ELMO1: variants seen among roughly 807,000 people sequenced by gnomAD.
ELMO1 encodes engulfment and cell motility 1.
Under a neutral mutation model 98.9 loss-of-function variants are expected in ELMO1, and 26 were observed. The observed-to-expected ratio is 0.26, with a 90% CI of 0.19 to 0.36. The LOEUF (loss-of-function observed/expected upper bound fraction) is 0.36, where lower values mean the gene tolerates loss of function less well. Among genes scored for constraint, ELMO1 ranks in the 10% least tolerant of loss-of-function variants. The pLI, the probability that ELMO1 is intolerant of heterozygous loss-of-function variation, is 1.00. For missense variants in ELMO1, 627 were observed against 935.2 expected (o/e 0.67, Z 4.30); for synonymous variants, 346 against 346.0 (o/e 1.00, Z 0.00).
chr7:37,292,704 CCGCCCGG>C (rs1797775763), intron 4 of ELMO1, among the ~76,000 whole-genome samples: 1 of 69,580 alleles, frequency 1.4e-5, no homozygotes, highest in Non-Finnish European at 3.3e-5. Flanking sequence ...AGGAGCGTCT[CCGCCCGG>C]CAGCCGCCCC....
At chr7:37,429,782 TAGGATGTGA>T (rs1477240631) in intron 1 of ELMO1, 6 of 152,250 alleles carry the variant, frequency 3.9e-5, no homozygotes, top group Non-Finnish European at 5.9e-5. Flanking sequence ...AAGATGGCAT[TAGGATGTGA>T]AGGATGAGGA....
chr7:37,127,955 G>C (rs917559058), intron 14 of ELMO1, among the ~76,000 whole-genome samples: 2 of 152,162 alleles, frequency 1.3e-5, no homozygotes, highest in Non-Finnish European at 2.9e-5. Flanking sequence ...CAATTTGGGA[G>C]GCCAAGGCGG....
rs115555123 is a variant in ELMO1 at position 37,273,664 on chromosome 7, G to A, written c.193-1782C>T. 3.6e-3 allele frequency among the ~76,000 whole-genome samples: 543 copies of A among 152,222 alleles called. 3 individuals are homozygous for A. The highest frequency in any genetic ancestry group is 0.012 in the African/African-American group (480 of 41,532). Reference sequence around the variant, plus strand: ...ACACACCACACCCAATTTCCAGGAGGAGGCCTTCCAGGACTCACCGTGGTC... The same window carrying A: ...ACACACCACACCCAATTTCCAGGAGAAGGCCTTCCAGGACTCACCGTGGTC... On this transcript the variant is annotated intron_variant, in intron 4 of 21. Transcript: ENST00000310758.
chr7:37,345,937 C>G (rs549402619), intron 1 of ELMO1, among the ~76,000 whole-genome samples: 3 of 149,784 alleles, frequency 2.0e-5, no homozygotes, highest in Non-Finnish European at 4.4e-5. Flanking sequence ...TGCAGTGAGC[C>G]GAGATCATGC....
At position 36,935,337 on chromosome 7, in the gene ELMO1, T is replaced by C. The variant is rs188306032; in HGVS notation, c.1438-40320A>G. Among the ~76,000 whole-genome samples, 489 of 152,286 alleles carry C rather than the reference T, an allele frequency of 3.2e-3. 2 individuals carry two copies. Among genetic ancestry groups the C allele is most frequent in the African/African-American group, 0.011 (462 of 41,554 alleles). The stretch of plus-strand genomic sequence containing the variant: ...GTGAGTCCATTAAACCTCTTTCTTT[T>C]GTAAATTGCCCAGTCTTGCATATAT... On this transcript the variant is annotated intron_variant, in intron 16 of 21. Coordinates refer to ENST00000310758, the MANE Select transcript of ELMO1 (RefSeq NM_014800.11).
chr7:36,993,928 T>A (rs1792031120), intron 16 of ELMO1, among the ~76,000 whole-genome samples: 1 of 152,160 alleles, frequency 6.6e-6, no homozygotes, highest in Non-Finnish European at 1.5e-5. Context: ...GAACCTTGAA[T>A]AAGTGCTCTT....
intron 13 of ELMO1, among the ~76,000 whole-genome samples, chr7:37,154,736 T>G (rs890977117): frequency 2.2e-4 from 33 of 152,210 alleles, no homozygotes; most frequent in African/African-American, 7.7e-4. Context: ...TGGAAAACAC[T>G]CTGCAGGATA....
At chr7:37,063,671 A>T (rs547687837) in intron 15 of ELMO1, among the ~76,000 whole-genome samples, 1 of 152,110 alleles carries the variant, frequency 6.6e-6, no homozygotes, top group South Asian at 2.1e-4. Context: ...CACTTGTATG[A>T]CCCTTGGCCT....
chr7:36,881,425 T>G (rs904989093), intron 18 of ELMO1, among the ~76,000 whole-genome samples: 1 of 152,208 alleles, frequency 6.6e-6, no homozygotes, highest in Non-Finnish European at 1.5e-5. Flanking sequence ...AGCATGATGT[T>G]ACTTGTTCCT....
intron 13 of ELMO1, among the ~76,000 whole-genome samples, chr7:37,166,607 T>C (rs1789711131): frequency 6.6e-6 from 1 of 152,220 alleles, no homozygotes; most frequent in Non-Finnish European, 1.5e-5. Context: ...CCAGTAGTCA[T>C]TCAGGAGCAG....
chr7:37,320,104 A>AAAAT (rs1201153578), intron 2 of ELMO1, among the ~76,000 whole-genome samples: 1 of 152,068 alleles, frequency 6.6e-6, no homozygotes. Context: ...AAATACAAAA[A>AAAAT]AAATAAATAA....
chr7:36,966,489 A>C (rs1394371570), intron 16 of ELMO1, among the ~76,000 whole-genome samples: 5 of 152,242 alleles, frequency 3.3e-5, no homozygotes, highest in Admixed American at 3.3e-4. Flanking sequence ...CAGAAGCAGC[A>C]ATGAAGAGAA....
At chr7:36,885,879 T>G (rs757837161) in intron 18 of ELMO1, among the ~76,000 whole-genome samples, 1 of 152,206 alleles carries the variant, frequency 6.6e-6, no homozygotes, top group Non-Finnish European at 1.5e-5. Context: ...TCCCTTGTTT[T>G]GCTGTTTCTT....
intron 16 of ELMO1, among the ~76,000 whole-genome samples, chr7:36,903,618 A>G (rs578100574): frequency 6.6e-6 from 1 of 152,300 alleles, no homozygotes; most frequent in African/African-American, 2.4e-5. Context: ...GGTTCTGGAC[A>G]TGGGTCATGT....
At chr7:37,135,321 T>C (rs1787196306) in intron 13 of ELMO1, among the ~76,000 whole-genome samples, 1 of 152,208 alleles carries the variant, frequency 6.6e-6, no homozygotes, top group South Asian at 2.1e-4. Context: ...ACTTACATCA[T>C]GAACTTTTGT....
intron 17 of ELMO1, among the ~76,000 whole-genome samples, chr7:36,889,984 C>T (rs1484187992): frequency 1.3e-5 from 2 of 152,144 alleles, no homozygotes; most frequent in Non-Finnish European, 2.9e-5. Context: ...GACTCAGTAG[C>T]CGTAAAATTC....
intron 5 of ELMO1, 41 bp downstream of exon 5, chr7:37,271,791 G>A (rs777998899): frequency 1.2e-6 from 2 of 1,602,938 alleles, no homozygotes; most frequent in Non-Finnish European, 1.7e-6. Flanking sequence ...GAAACGCAGA[G>A]CAAAGAGTTT....
intron 1 of ELMO1, among the ~76,000 whole-genome samples, chr7:37,384,960 C>T (rs1802734448): frequency 6.6e-6 from 1 of 152,178 alleles, no homozygotes; most frequent in Non-Finnish European, 1.5e-5. Context: ...TGAAAAGATG[C>T]AGAATTATTT....
intron 4 of ELMO1, among the ~76,000 whole-genome samples, chr7:37,292,152 G>A (rs1797725518): frequency 1.6e-5 from 2 of 123,180 alleles, no homozygotes; most frequent in Non-Finnish European, 3.9e-5. Flanking sequence ...GATTCGCTGT[G>A]TTGGCCGGGC....
Sources: gnomAD v4.1 joint callset for allele counts (sites outside exome capture counted in the v4.1 genomes callset) on GRCh38, gnomAD v4.1.1 for gene constraint, MANE v1.5 for transcripts, NCBI Gene and HGNC (gene_info 2026-07-23, HGNC 2026-07-21) for gene names.